The following SRPX2 variants were observed in gnomAD, a reference collection of about 807,000 sequenced individuals.
The protein encoded by SRPX2 is sushi repeat-containing protein SRPX2.
SRPX2 carries 26 observed loss-of-function variants against 45.3 expected under a neutral mutation model. That is an observed-to-expected ratio of 0.57 (90% CI 0.42 to 0.80). The LOEUF (loss-of-function observed/expected upper bound fraction) is 0.80, where lower values mean the gene tolerates loss of function less well. SRPX2 is among the 30% of genes least tolerant of loss of function. The probability of loss-of-function intolerance (pLI) is 0.00; values close to 1 mark genes in which losing one functional copy is unlikely to be tolerated. For synonymous variants in SRPX2, 125 were observed against 143.7 expected (o/e 0.87, Z 0.93); for missense variants, 355 against 399.8 (o/e 0.89, Z 0.95).
At chrX:100,659,172 C>A (rs375216961) in intron 3 of SRPX2, among the ~76,000 whole-genome samples, 2 of 111,996 alleles carry the variant, frequency 1.8e-5, no homozygotes. Context: ...AACTGCCATA[C>A]GCCTTATGTT....
chrX:100,658,783 C>T (rs922868526), intron 3 of SRPX2, among the ~76,000 whole-genome samples: 3 of 111,773 alleles, frequency 2.7e-5, no homozygotes, highest in Admixed American at 9.5e-5. Flanking sequence ...TTTCTTTCAT[C>T]GATGTTTTAT....
intron 3 of SRPX2, among the ~76,000 whole-genome samples, chrX:100,659,808 T>C (rs1382386965): frequency 1.2e-4 from 12 of 103,822 alleles, no homozygotes; most frequent in African/African-American, 3.9e-4. Context: ...TTTTTTTTTT[T>C]CCCCCTTAGG....
In SRPX2 at chrX:100,646,215, C is replaced by G. The variant is rs968449981; in HGVS notation, c.-108C>G. The G allele has an allele frequency of 1.3e-5, 9 of 680,658 alleles. No individual in the cohort carries two copies. The African/African-American group carries it at 1.9e-4, about 14-fold the overall frequency. The allele number at this position is 680,658 out of a possible 1,213,427, so 56.1% of individuals were successfully genotyped here. On this transcript the variant is annotated 5_prime_UTR_variant, in exon 2 of 11. Transcript: ENST00000373004. ...CAGATCCCATATTTCTGCTTCCCCT[C>G]ACTTTTAGAAGTTAATTGATGGCTG...
Position 100,665,315 on chromosome X carries a change from G to T in SRPX2, c.605G>T (p.Arg202Leu), listed in dbSNP as rs200784551. The T allele has an allele frequency of 3.3e-6, 4 of 1,208,346 alleles. No individual in the cohort carries two copies. The African/African-American group carries it at 7.0e-5, about 21-fold the overall frequency. ...KMAEPEKLTA[R>L]VYWDPPLVKD... ...GCAGAGCCAGAGAAATTGACTGCTC[G>T]AGTATACTGGGACCCACCGTTGGTG... Residue 202 changes from arginine to leucine, a missense_variant, in exon 6 of 11, where the codon CGA becomes CTA. Arg to Leu is a moderately radical substitution (Grantham distance 102). Coordinates refer to ENST00000373004, the MANE Select transcript of SRPX2 (RefSeq NM_014467.3).
rs747624809 is a variant in SRPX2, at chrX:100,665,595, G to A, written c.719G>A (p.Arg240His). 10 of 1,210,270 alleles carry A rather than the reference G, an allele frequency of 8.3e-6. No individual in the cohort carries two copies. Among genetic ancestry groups the A allele is most frequent in the East Asian group, 5.9e-5 (2 of 33,792 alleles). ...SHFPEGEHVI[R>H]YTAYDRAYNR... Reference sequence around the variant, plus strand: ...TTTCCCGAAGGAGAGCATGTGATTCGTTACACTGCCTATGACCGAGCCTAC... The same window carrying A: ...TTTCCCGAAGGAGAGCATGTGATTCATTACACTGCCTATGACCGAGCCTAC... Residue 240 changes from arginine (R) to histidine (H), a missense_variant, in exon 7 of 11, where the codon CGT becomes CAT. By Grantham distance (29) the Arg-to-His change is conservative. Transcript: ENST00000373004.
At chrX:100,655,691 C>T (rs1318107493) in intron 3 of SRPX2, among the ~76,000 whole-genome samples, 1 of 110,054 alleles carries the variant, frequency 9.1e-6, no homozygotes, top group Non-Finnish European at 1.9e-5. Context: ...ACCTGCATAC[C>T]TTACAGGGCT....
rs11362126 is a variant in SRPX2 at position 100,655,855 on chromosome X, G to GTT, written c.163+5014_163+5015dup. Among the ~76,000 whole-genome samples, 176 of 49,984 alleles carry GTT rather than the reference G, an allele frequency of 3.5e-3. 1 individual carries two copies. The highest frequency in any genetic ancestry group is 5.9e-3 in the East Asian group (7 of 1,189). 43.4% of individuals were successfully genotyped at this position (49,984 alleles called of 115,157 possible). On this transcript the variant is annotated intron_variant, in intron 3 of 10. Transcript: ENST00000373004. ...GGGTTTTTTTAGGTGGGGTGGGGGA[G>GTT]TTTTTTTTTTTTTTTTTTTTTTTTT...
At chrX:100,658,785 A>C (rs946910154) in intron 3 of SRPX2, among the ~76,000 whole-genome samples, 6 of 111,718 alleles carry the variant, frequency 5.4e-5, no homozygotes, top group African/African-American at 2.0e-4. Flanking sequence ...TCTTTCATCG[A>C]TGTTTTATAG....
intron 2 of SRPX2, among the ~76,000 whole-genome samples, chrX:100,647,228 G>T (rs1273362429): frequency 8.9e-6 from 1 of 112,098 alleles, no homozygotes; most frequent in African/African-American, 3.2e-5. Flanking sequence ...GGGGAGTAGT[G>T]GGGGAAGGAG....
In SRPX2 at chrX:100,671,077, C is replaced by T; in HGVS notation, c.*90C>T. 9.9e-7 allele frequency: 1 copy of T among 1,014,009 alleles called. No individual in the cohort carries two copies. Among genetic ancestry groups the T allele is most frequent in the Non-Finnish European group, 1.3e-6 (1 of 741,166 alleles). 83.6% of individuals were successfully genotyped at this position (1,014,009 alleles called of 1,213,427 possible). On this transcript the variant is annotated 3_prime_UTR_variant, in exon 11 of 11. Transcript: ENST00000373004. ...AATAAAAGGAGGAAATGTTTTCCCA[C>T]AGTTCTAGGGACAGGACTCTGAGGT...
In SRPX2 at chrX:100,665,521, C is replaced by T; in HGVS notation, c.660-15C>T. Reference sequence around the variant, plus strand: ...GTCTCTTTCCTCAGTGTTTATTTCACCCTGTCCCATGCAGGGTGACACTTC... The same window carrying T: ...GTCTCTTTCCTCAGTGTTTATTTCATCCTGTCCCATGCAGGGTGACACTTC... On this transcript the variant is annotated splice_polypyrimidine_tract_variant and intron_variant, in intron 6 of 10. Transcript: ENST00000373004. The T allele has an allele frequency of 1.7e-6, 2 of 1,211,689 alleles. No individual in the cohort carries two copies. The highest frequency in any genetic ancestry group is 1.8e-5 in the South Asian group (1 of 56,974).
At chrX:100,645,367 G>A (rs2083132442) in intron 1 of SRPX2, among the ~76,000 whole-genome samples, 1 of 111,989 alleles carries the variant, frequency 8.9e-6, no homozygotes, top group African/African-American at 3.3e-5. Flanking sequence ...TCCCATTAGG[G>A]TGAGGACAGG....
At position 100,667,406 on chromosome X, in the gene SRPX2, A is replaced by G. The variant is rs200844710; in HGVS notation, c.1094A>G (p.Gln365Arg). The G allele has an allele frequency of 1.7e-6, 2 of 1,210,415 alleles. No individual in the cohort carries two copies. The highest frequency in any genetic ancestry group is 4.4e-5 in the Admixed American group (2 of 45,858). The change falls in exon 9 of 11, where the codon CAG becomes CGG. Residue 365 changes from glutamine to arginine, a missense_variant and splice_region_variant. Coordinates refer to ENST00000373004, the MANE Select transcript of SRPX2 (RefSeq NM_014467.3). Reference sequence around the variant, plus strand: ...TATAAAATGCAGATCTCTATGCTACAGGTAAGGCCCACTCCCCTAAAGAGG... The same window carrying G: ...TATAAAATGCAGATCTCTATGCTACGGGTAAGGCCCACTCCCCTAAAGAGG... ...RYYKMQISML[Q>R]QSTCGLDLRH...
intron 2 of SRPX2, among the ~76,000 whole-genome samples, chrX:100,648,648 A>G (rs925222769): frequency 5.3e-5 from 6 of 112,608 alleles, no homozygotes; most frequent in Non-Finnish European, 1.1e-4. Context: ...CACACAAAGC[A>G]TAGTTGGCAC....
At chrX:100,660,331 A>G (rs980106739) in intron 3 of SRPX2, among the ~76,000 whole-genome samples, 20 of 111,232 alleles carry the variant, frequency 1.8e-4, no homozygotes, top group African/African-American at 5.2e-4. Context: ...TCTCTGGCAA[A>G]CACTGATCTG....
chrX:100,670,268 TAGAG>T (rs1418623091), intron 10 of SRPX2, among the ~76,000 whole-genome samples: 1 of 111,312 alleles, frequency 9.0e-6, no homozygotes, highest in Non-Finnish European at 1.9e-5. Flanking sequence ...CTCTAAATGA[TAGAG>T]AAACTATACC....
intron 3 of SRPX2, among the ~76,000 whole-genome samples, chrX:100,654,070 C>CTAT (rs962415103): frequency 8.9e-6 from 1 of 112,183 alleles, no homozygotes; most frequent in African/African-American, 3.2e-5. Context: ...TTATGGGAGA[C>CTAT]TATAGTTTGG....
chrX:100,655,816 A>G (rs914625869), intron 3 of SRPX2, among the ~76,000 whole-genome samples: 4 of 104,050 alleles, frequency 3.8e-5, no homozygotes, highest in Non-Finnish European at 7.8e-5. Flanking sequence ...CAATTTTGCT[A>G]TACAGTATTT....
At chrX:100,662,044 A>C in intron 3 of SRPX2, 132 bp from the exon 4 acceptor site, 1 of 645,914 alleles carries the variant, frequency 1.5e-6, no homozygotes, top group Non-Finnish European at 2.4e-6. Context: ...TTTGTCAAAA[A>C]TCATTTCAAC....
Sources: gnomAD v4.1 joint callset for allele counts (sites outside exome capture counted in the v4.1 genomes callset) on GRCh38, gnomAD v4.1.1 for gene constraint, MANE v1.5 for transcripts, NCBI Gene and HGNC (gene_info 2026-07-23, HGNC 2026-07-21) for gene names.